The following USP13 variants were observed in gnomAD, a reference collection of about 807,000 sequenced individuals.
USP13 encodes the protein ubiquitin specific peptidase 13, also known as ubiquitin carboxyl-terminal hydrolase 13.
Under a neutral mutation model 107.8 loss-of-function variants are expected in USP13, and 68 were observed. That is an observed-to-expected ratio of 0.63 (90% CI 0.52 to 0.77). The LOEUF is 0.77. Ranked by LOEUF, USP13 falls within the 30% of genes least tolerant of loss-of-function variation. USP13 has a pLI of 0.00. For missense variants in USP13, 945 were observed against 1,093.3 expected (o/e 0.86, Z 1.91); for synonymous variants, 377 against 389.5 (o/e 0.97, Z 0.38).
rs1478599022 is a variant in USP13 at position 179,785,787 on chromosome 3, G to A, written c.*1646G>A. 6.6e-6 allele frequency: 1 copy of A among 152,284 alleles called. No individual in the cohort carries two copies. The allele number at this position is 152,284 out of a possible 1,614,324, so 9.4% of individuals were successfully genotyped here. A position where few individuals can be genotyped will look rare whatever the true frequency, so the allele number is the denominator to read the frequency against. ...CATGGTGTCTAAGGCCCATGGCCTG[G>A]AGACCTGGGTGCTGCTCCTAGCTGA... On this transcript the variant is annotated 3_prime_UTR_variant, in exon 21 of 21. Coordinates refer to ENST00000263966, the MANE Select transcript of USP13 (RefSeq NM_003940.3).
chr3:179,774,652 C>G (rs763134272), intron 19 of USP13, among the ~76,000 whole-genome samples: 1 of 152,198 alleles, frequency 6.6e-6, no homozygotes, highest in Non-Finnish European at 1.5e-5. Flanking sequence ...AAAGGGTGAG[C>G]AGCAGCAAGA....
chr3:179,735,374 T>G (rs1394670264), intron 10 of USP13, among the ~76,000 whole-genome samples: 1 of 152,112 alleles, frequency 6.6e-6, no homozygotes. Context: ...TTATTTTGGA[T>G]TTTTGGTTTC....
At chr3:179,677,470 C>T (rs1381939697) in intron 1 of USP13, among the ~76,000 whole-genome samples, 2 of 151,996 alleles carry the variant, frequency 1.3e-5, no homozygotes, top group Non-Finnish European at 2.9e-5. Flanking sequence ...ATCCCAGATA[C>T]TTGGGAGGCT....
Position 179,785,171 on chromosome 3 carries a change from C to T in USP13, c.*1030C>T, listed in dbSNP as rs1560087666. 1 of 152,066 alleles carries T rather than the reference C, an allele frequency of 6.6e-6. No homozygotes were observed. The highest frequency in any genetic ancestry group is 1.5e-5 in the Non-Finnish European group (1 of 68,018). 9.4% of individuals were successfully genotyped at this position (152,066 alleles called of 1,614,324 possible). ...ACTCTTTGGAGTCATGTCAAGTGCCCCAAATTTGTCTGTGATTTTCCCATC... is the reference window on the plus strand; with the variant it reads ...ACTCTTTGGAGTCATGTCAAGTGCCTCAAATTTGTCTGTGATTTTCCCATC... On this transcript the variant is annotated 3_prime_UTR_variant, in exon 21 of 21. Coordinates refer to ENST00000263966, the MANE Select transcript of USP13 (RefSeq NM_003940.3).
rs148712756 is a variant in USP13, at chr3:179,695,797, G to A, written c.356-5211G>A. On this transcript the variant is annotated intron_variant, in intron 3 of 20. Transcript: ENST00000263966. Reference sequence around the variant, plus strand: ...TGTATATATTGTGTATTCTCTCAGCGATTGTCTATACATAAGTAATGCTTT... The same window carrying A: ...TGTATATATTGTGTATTCTCTCAGCAATTGTCTATACATAAGTAATGCTTT... Among the ~76,000 whole-genome samples the A allele has an allele frequency of 5.4e-3, 829 of 152,110 alleles. 8 individuals carry two copies. Among genetic ancestry groups the A allele is most frequent in the African/African-American group, 0.019 (786 of 41,462 alleles).
At chr3:179,757,712 T>C (rs2108530588) in intron 16 of USP13, among the ~76,000 whole-genome samples, 1 of 152,374 alleles carries the variant, frequency 6.6e-6, no homozygotes, top group Non-Finnish European at 1.5e-5. Flanking sequence ...GTAAAGTCTT[T>C]CAAGACAGTA....
chr3:179,781,924 C>T (rs1715762087), intron 20 of USP13, 101 bp downstream of exon 20: 12 of 1,075,804 alleles, frequency 1.1e-5, no homozygotes, highest in Non-Finnish European at 1.7e-5. Context: ...TTATTTGGTT[C>T]TCACATTGGT....
intron 11 of USP13, 35 bp downstream of exon 11, chr3:179,740,407 T>G (rs1576967616): frequency 3.1e-6 from 5 of 1,613,042 alleles, no homozygotes; most frequent in Non-Finnish European, 4.2e-6. Context: ...CTCAGCGGGG[T>G]TGTAAGAGGG....
At chr3:179,694,798 T>C (rs1280697679) in intron 3 of USP13, among the ~76,000 whole-genome samples, 3 of 17,576 alleles carry the variant, frequency 1.7e-4, no homozygotes, top group African/African-American at 5.7e-4. Context: ...AAACTCCATC[T>C]CAAAAAAAAA....
intron 11 of USP13, among the ~76,000 whole-genome samples, chr3:179,740,769 C>CTTTTTTT (rs768697378): frequency 1.4e-5 from 2 of 143,484 alleles, no homozygotes; most frequent in African/African-American, 5.1e-5. Flanking sequence ...CCATTAAAAA[C>CTTTTTTT]TTTTTTTTTT....
rs1720135755 is a variant in USP13 at position 179,653,191 on chromosome 3, G to T, written c.-35G>T. Reference sequence around the variant, plus strand: ...CGGCAGACCCCGCGCTCCGGCTCCGGCTCGGCTCGCTCGGCTCCGGTGCGC... The same window carrying T: ...CGGCAGACCCCGCGCTCCGGCTCCGTCTCGGCTCGCTCGGCTCCGGTGCGC... On this transcript the variant is annotated 5_prime_UTR_variant, in exon 1 of 21. Coordinates refer to ENST00000263966, the MANE Select transcript of USP13 (RefSeq NM_003940.3). This position sits in a 1 kb window ranked among gnomAD's most constrained non-coding sequence, Gnocchi z 4.0. 3 of 1,297,874 alleles carry T rather than the reference G, an allele frequency of 2.3e-6. No homozygotes were observed. The highest frequency in any genetic ancestry group is 2.9e-6 in the Non-Finnish European group (3 of 1,017,860). The allele number at this position is 1,297,874 out of a possible 1,614,324, so 80.4% of individuals were successfully genotyped here.
chr3:179,742,966 C>T lies in USP13; in HGVS notation c.1534+616C>T, dbSNP rs935996471. On this transcript the variant is annotated intron_variant, in intron 12 of 20. Transcript: ENST00000263966. This position sits in a 1 kb window ranked among gnomAD's most constrained non-coding sequence, Gnocchi z 5.0. ...CTTCCTAGGCAGAATAGACAAATGG[C>T]ATTTCTTCGAATTAACATCGTAGAA... Among the ~76,000 whole-genome samples the T allele has an allele frequency of 1.3e-5, 2 of 152,178 alleles. No homozygotes were observed. Among genetic ancestry groups the T allele is most frequent in the Non-Finnish European group, 2.9e-5 (2 of 68,014 alleles).
chr3:179,786,140 CTG>C lies in USP13; in HGVS notation c.*2001_*2002del, dbSNP rs1164324438. 1 of 152,176 alleles carries C rather than the reference CTG, an allele frequency of 6.6e-6. No individual in the cohort carries two copies. Among genetic ancestry groups the C allele is most frequent in the Non-Finnish European group, 1.5e-5 (1 of 68,052 alleles). The allele number at this position is 152,176 out of a possible 1,614,324, so 9.4% of individuals were successfully genotyped here. ...TTGGATTTCCTAAAGCAGTCCCACT[CTG>C]TTATGAGAGTCACTGACTCCCGTGG... On this transcript the variant is annotated 3_prime_UTR_variant, in exon 21 of 21. Coordinates refer to ENST00000263966, the MANE Select transcript of USP13 (RefSeq NM_003940.3).
In USP13 at chr3:179,742,106, G is replaced by A; in HGVS notation, c.1381-91G>A. On this transcript the variant is annotated intron_variant, in intron 11 of 20. Transcript: ENST00000263966. The surrounding 1 kb of genome is among the most constrained non-coding windows in gnomAD (Gnocchi z 5.0). Reference sequence around the variant, plus strand: ...CAGAGGAAATGTTTAATAAAGCCAAGTGTTTACACCGGGTTTAGAGTTCAT... The same window carrying A: ...CAGAGGAAATGTTTAATAAAGCCAAATGTTTACACCGGGTTTAGAGTTCAT... 5 of 1,497,150 alleles carry A rather than the reference G, an allele frequency of 3.3e-6. No individual in the cohort carries two copies. Among genetic ancestry groups the A allele is most frequent in the Non-Finnish European group, 4.6e-6 (5 of 1,093,856 alleles). 92.7% of individuals were successfully genotyped at this position (1,497,150 alleles called of 1,614,324 possible).
chr3:179,697,320 A>C (rs879728333), intron 3 of USP13, among the ~76,000 whole-genome samples: 2 of 152,222 alleles, frequency 1.3e-5, no homozygotes, highest in Non-Finnish European at 2.9e-5. Context: ...GAAGGTAAAT[A>C]GTTGGTTAGA....
Position 179,653,196 on chromosome 3 carries a change from G to C in USP13, c.-30G>C. 7.5e-7 allele frequency: 1 copy of C among 1,336,866 alleles called. No individual in the cohort carries two copies. Among genetic ancestry groups the C allele is most frequent in the African/African-American group, 1.5e-5 (1 of 65,908 alleles). The allele number at this position is 1,336,866 out of a possible 1,614,324, so 82.8% of individuals were successfully genotyped here. On this transcript the variant is annotated 5_prime_UTR_variant, in exon 1 of 21. Coordinates refer to ENST00000263966, the MANE Select transcript of USP13 (RefSeq NM_003940.3). This position sits in a 1 kb window ranked among gnomAD's most constrained non-coding sequence, Gnocchi z 4.0. The stretch of plus-strand genomic sequence containing the variant: ...GACCCCGCGCTCCGGCTCCGGCTCG[G>C]CTCGCTCGGCTCCGGTGCGCGCCGA...
chr3:179,657,293 G>T (rs1166508852), intron 1 of USP13, among the ~76,000 whole-genome samples: 1 of 152,054 alleles, frequency 6.6e-6, no homozygotes, highest in Admixed American at 6.6e-5. Flanking sequence ...CGAGGCAGGT[G>T]GATCACCTGA....
intron 1 of USP13, among the ~76,000 whole-genome samples, chr3:179,673,288 T>C (rs1284445026): frequency 6.6e-6 from 1 of 152,132 alleles, no homozygotes; most frequent in African/African-American, 2.4e-5. Context: ...AGAGACCCAA[T>C]AACAAATAGT....
chr3:179,705,072 G>T (rs11919544), intron 4 of USP13, among the ~76,000 whole-genome samples: 3,179 of 152,274 alleles, frequency 0.021, 120 homozygotes, highest in African/African-American at 0.073. Flanking sequence ...GACCAGGAGA[G>T]GTGGGGTTGG....
Sources: gnomAD v4.1 joint callset for allele counts (sites outside exome capture counted in the v4.1 genomes callset) on GRCh38, gnomAD v4.1.1 for gene constraint, Gnocchi (gnomAD v3.1) non-coding constraint, MANE v1.5 for transcripts, NCBI Gene and HGNC (gene_info 2026-07-23, HGNC 2026-07-21) for gene names.